Variants in KCNJ3 observed in about 807,000 individuals in gnomAD.
KCNJ3 encodes the protein potassium inwardly rectifying channel subfamily J member 3, also known as G protein-activated inward rectifier potassium channel 1.
A neutral mutation model predicts 39.2 loss-of-function variants in KCNJ3; 4 were observed. That is an observed-to-expected ratio of 0.10 (90% CI 0.05 to 0.23). The LOEUF (loss-of-function observed/expected upper bound fraction) is 0.23, where lower values mean the gene tolerates loss of function less well. Among genes scored for constraint, KCNJ3 ranks in the 10% least tolerant of loss-of-function variants. The pLI, the probability that KCNJ3 is intolerant of heterozygous loss-of-function variation, is 1.00. For synonymous variants in KCNJ3, 230 were observed against 237.4 expected, an observed-to-expected ratio of 0.97 and a Z score of 0.29; for missense variants, 276 against 634.9, an observed-to-expected ratio of 0.43 and a Z score of 6.08.
intron 2 of KCNJ3, among the ~76,000 whole-genome samples, chr2:154,785,655 A>G (rs1018481602): frequency 6.6e-6 from 1 of 152,110 alleles, no homozygotes; most frequent in Non-Finnish European, 1.5e-5. Flanking sequence ...GTGCTCTTGC[A>G]CTTCTCCACC....
At chr2:154,775,496 AATATGT>A (rs1238297746) in intron 2 of KCNJ3, among the ~76,000 whole-genome samples, 2 of 152,170 alleles carry the variant, frequency 1.3e-5, no homozygotes, top group African/African-American at 4.8e-5. Context: ...ATGTTTCCTT[AATATGT>A]ACATTTCTTA....
At chr2:154,781,221 G>T (rs1423643703) in intron 2 of KCNJ3, among the ~76,000 whole-genome samples, 1 of 152,124 alleles carries the variant, frequency 6.6e-6, no homozygotes, top group Non-Finnish European at 1.5e-5. Context: ...TTAGCCCAGT[G>T]AGACATGTTT....
rs144335987 is a variant in KCNJ3 at position 154,835,276 on chromosome 2, T to C, written c.920-19451T>C. ...AATTGGAATATTACCTTGTTAATTT[T>C]TGAAATGCTTATTAGGCAGCATAAA... is the stretch of plus-strand genomic sequence containing the variant. On this transcript the variant is annotated intron_variant, in intron 2 of 2. Transcript: ENST00000295101. Among the ~76,000 whole-genome samples, 30 of 151,966 alleles carry C rather than the reference T, an allele frequency of 2.0e-4. No homozygotes were observed. In the East Asian group the frequency reaches 3.7e-3, roughly 19 times the overall value.
chr2:154,803,338 C>T (rs1030527601), intron 2 of KCNJ3, among the ~76,000 whole-genome samples: 19 of 151,708 alleles, frequency 1.3e-4, no homozygotes, highest in African/African-American at 4.6e-4. Flanking sequence ...TAAATGAGCA[C>T]CTGTTTTAAA....
intron 2 of KCNJ3, among the ~76,000 whole-genome samples, chr2:154,779,673 A>G (rs1439384975): frequency 6.6e-6 from 1 of 151,392 alleles, no homozygotes; most frequent in Non-Finnish European, 1.5e-5. Context: ...CCTCCCGAGT[A>G]GCTGGGGCTA....
At chr2:154,815,907 C>A (rs193279057) in intron 2 of KCNJ3, among the ~76,000 whole-genome samples, 2 of 152,146 alleles carry the variant, frequency 1.3e-5, no homozygotes, top group Non-Finnish European at 2.9e-5. Flanking sequence ...TATTTACGTA[C>A]CTACTCATCA....
chr2:154,739,356 C>T (rs1182983551), intron 2 of KCNJ3, among the ~76,000 whole-genome samples: 1 of 151,994 alleles, frequency 6.6e-6, no homozygotes, highest in Non-Finnish European at 1.5e-5. Context: ...TCCTCATTCC[C>T]ACATAAAGAG....
At chr2:154,827,739 AT>A (rs1229366065) in intron 2 of KCNJ3, among the ~76,000 whole-genome samples, 3 of 152,110 alleles carry the variant, frequency 2.0e-5, no homozygotes, top group Admixed American at 2.0e-4. Context: ...TTAAGGTTTT[AT>A]TTTTAACCAG....
intron 2 of KCNJ3, among the ~76,000 whole-genome samples, chr2:154,783,041 G>A (rs28523704): frequency 6.6e-6 from 1 of 151,968 alleles, no homozygotes; most frequent in African/African-American, 2.4e-5. Context: ...AGCCGGGCGT[G>A]GTCGTGGGCA....
intron 2 of KCNJ3, among the ~76,000 whole-genome samples, chr2:154,756,624 G>C (rs376693308): frequency 6.7e-6 from 1 of 150,262 alleles, no homozygotes; most frequent in South Asian, 2.1e-4. Context: ...TGTGGTGTTT[G>C]GTTTTCTGGA....
chr2:154,773,480 T>C (rs1476271521), intron 2 of KCNJ3, among the ~76,000 whole-genome samples: 1 of 152,118 alleles, frequency 6.6e-6, no homozygotes, highest in Non-Finnish European at 1.5e-5. Context: ...GGGAGAGATT[T>C]CATGATCCAG....
intron 2 of KCNJ3, among the ~76,000 whole-genome samples, chr2:154,822,566 C>T (rs1297128452): frequency 6.6e-6 from 1 of 152,116 alleles, no homozygotes; most frequent in Admixed American, 6.6e-5. Context: ...ATGTAGTTGG[C>T]ACTTTATGTA....
At chr2:154,761,566 T>C (rs1270623291) in intron 2 of KCNJ3, among the ~76,000 whole-genome samples, 1 of 152,226 alleles carries the variant, frequency 6.6e-6, no homozygotes, top group African/African-American at 2.4e-5. Context: ...TTTGGGTCTC[T>C]ACATCCTAAT....
rs187349964 is a variant in KCNJ3 at position 154,840,200 on chromosome 2, C to G, written c.920-14527C>G. On this transcript the variant is annotated intron_variant, in intron 2 of 2. Coordinates refer to ENST00000295101, the MANE Select transcript of KCNJ3 (RefSeq NM_002239.4). ...ACCATTTATTAAATAAATAGGGAAT[C>G]CTTCCCCATTTCTTGTTTTTGTCAG... 2.8e-3 allele frequency among the ~76,000 whole-genome samples: 429 copies of G among 152,240 alleles called. 4 individuals are homozygous for G. The highest frequency in any genetic ancestry group is 0.01 in the African/African-American group (422 of 41,542).
At chr2:154,711,063 G>A (rs536760090) in intron 2 of KCNJ3, among the ~76,000 whole-genome samples, 65 of 151,970 alleles carry the variant, frequency 4.3e-4, no homozygotes, top group African/African-American at 1.5e-3. Flanking sequence ...TTATTATTAC[G>A]ATTTTAAGGG....
chr2:154,728,115 CTCT>C (rs1685390756), intron 2 of KCNJ3, among the ~76,000 whole-genome samples: 1 of 151,912 alleles, frequency 6.6e-6, no homozygotes, highest in Non-Finnish European at 1.5e-5. Context: ...ATTTCATTAG[CTCT>C]TCTTTTGATT....
chr2:154,840,054 G>A (rs1001345405), intron 2 of KCNJ3, among the ~76,000 whole-genome samples: 1 of 152,164 alleles, frequency 6.6e-6, no homozygotes, highest in Non-Finnish European at 1.5e-5. Flanking sequence ...TTCTTCTAGA[G>A]TTTTTATGGT....
chr2:154,764,795 T>C (rs1345391579), intron 2 of KCNJ3, among the ~76,000 whole-genome samples: 1 of 152,202 alleles, frequency 6.6e-6, no homozygotes, highest in Non-Finnish European at 1.5e-5. Context: ...ATGGGCTGCA[T>C]GCAGCCTAAG....
At chr2:154,771,801 T>C (rs1186793679) in intron 2 of KCNJ3, among the ~76,000 whole-genome samples, 2 of 152,084 alleles carry the variant, frequency 1.3e-5, no homozygotes, top group African/African-American at 2.4e-5. Context: ...ATACCTTAGA[T>C]TGGGGTCATG....
Sources: gnomAD v4.1 joint callset for allele counts (sites outside exome capture counted in the v4.1 genomes callset) on GRCh38, gnomAD v4.1.1 for gene constraint, MANE v1.5 for transcripts, NCBI Gene and HGNC (gene_info 2026-07-23, HGNC 2026-07-21) for gene names.